The following FSTL5 variants were observed in gnomAD, a reference collection of about 807,000 sequenced individuals.
The protein encoded by FSTL5 is follistatin like 5, also known as follistatin-related protein 5.
In FSTL5, 62 loss-of-function variants were observed where a neutral mutation model predicts 89.1. The ratio of observed to expected loss-of-function variants is 0.70; its 90% confidence interval spans 0.57 to 0.86. The LOEUF (loss-of-function observed/expected upper bound fraction) is 0.86. Among genes scored for constraint, FSTL5 ranks in the 40% least tolerant of loss-of-function variants. FSTL5 has a pLI of 0.00. For synonymous variants in FSTL5, 383 were observed against 346.2 expected (o/e 1.11, Z -1.18); for missense variants, 1,057 against 1,001.6 (o/e 1.06, Z -0.75).
chr4:161,792,995 C>T (rs1484892541), intron 4 of FSTL5, among the ~76,000 whole-genome samples: 2 of 152,232 alleles, frequency 1.3e-5, no homozygotes, highest in South Asian at 2.1e-4. Context: ...AGGGCTGTGA[C>T]ACTCTTTGGG....
At chr4:161,961,258 C>T (rs1490984359) in intron 3 of FSTL5, among the ~76,000 whole-genome samples, 2 of 151,866 alleles carry the variant, frequency 1.3e-5, no homozygotes, top group Non-Finnish European at 2.9e-5. Flanking sequence ...CAGGTGTGCC[C>T]ACTGCACCTT....
intron 6 of FSTL5, among the ~76,000 whole-genome samples, chr4:161,709,753 G>A (rs150508590): frequency 2.6e-5 from 4 of 152,090 alleles, no homozygotes; most frequent in Non-Finnish European, 5.9e-5. Flanking sequence ...CCATGATCAC[G>A]TCAGTGCAAT....
At chr4:161,413,596 T>C (rs1731671956) in intron 15 of FSTL5, among the ~76,000 whole-genome samples, 1 of 152,042 alleles carries the variant, frequency 6.6e-6, no homozygotes, top group South Asian at 2.1e-4. Context: ...AGAAAATAAA[T>C]CAATCATACC....
chr4:161,873,834 C>T (rs1358524183), intron 4 of FSTL5, among the ~76,000 whole-genome samples: 1 of 151,038 alleles, frequency 6.6e-6, no homozygotes, highest in African/African-American at 2.4e-5. Flanking sequence ...TGTTGTTCAC[C>T]ACTTTTTTGC....
At chr4:161,889,008 T>C (rs1360008649) in intron 4 of FSTL5, among the ~76,000 whole-genome samples, 1 of 152,144 alleles carries the variant, frequency 6.6e-6, no homozygotes, top group Non-Finnish European at 1.5e-5. Context: ...ATATTAGGTG[T>C]GTTAGGAATT....
At chr4:161,941,521 C>T (rs1184508467) in intron 3 of FSTL5, among the ~76,000 whole-genome samples, 1 of 151,668 alleles carries the variant, frequency 6.6e-6, no homozygotes, top group Non-Finnish European at 1.5e-5. Flanking sequence ...ACAAAGTAGA[C>T]AATACATCTA....
intron 4 of FSTL5, among the ~76,000 whole-genome samples, chr4:161,898,899 G>A (rs893936025): frequency 6.6e-6 from 1 of 151,918 alleles, no homozygotes; most frequent in East Asian, 1.9e-4. Flanking sequence ...AAAGTCCTGG[G>A]ATTACAAGCC....
At chr4:161,401,925 C>G (rs543607931) in intron 15 of FSTL5, among the ~76,000 whole-genome samples, 1 of 152,060 alleles carries the variant, frequency 6.6e-6, no homozygotes, top group African/African-American at 2.4e-5. Flanking sequence ...GTAATTAATG[C>G]TAATTAATTT....
chr4:161,686,323 TA>T (rs1737720324), intron 6 of FSTL5, among the ~76,000 whole-genome samples: 15 of 6,128 alleles, frequency 2.4e-3, no homozygotes, highest in African/African-American at 3.2e-3. Context: ...TATATATATA[TA>T]TATATATATA....
chr4:161,429,447 C>G (rs1007411659), intron 15 of FSTL5, among the ~76,000 whole-genome samples: 1 of 152,208 alleles, frequency 6.6e-6, no homozygotes, highest in South Asian at 2.1e-4. Flanking sequence ...TAATCTAGCA[C>G]AGTCCCAGTG....
At chr4:161,600,380 G>C (rs1734188493) in intron 7 of FSTL5, among the ~76,000 whole-genome samples, 1 of 152,010 alleles carries the variant, frequency 6.6e-6, no homozygotes, top group Non-Finnish European at 1.5e-5. Flanking sequence ...GCCTACAGGA[G>C]GCTTCAGATT....
At chr4:162,010,310 C>T (rs532069485) in intron 3 of FSTL5, among the ~76,000 whole-genome samples, 23 of 152,132 alleles carry the variant, frequency 1.5e-4, no homozygotes, top group African/African-American at 5.3e-4. Flanking sequence ...AAAAAGCACG[C>T]TCACTTAAGA....
At chr4:162,010,696 A>C (rs960722770) in intron 3 of FSTL5, among the ~76,000 whole-genome samples, 4 of 152,222 alleles carry the variant, frequency 2.6e-5, no homozygotes, top group African/African-American at 9.6e-5. Context: ...AAAACCATAG[A>C]AAATGTCGCC....
intron 10 of FSTL5, 90 bp from the exon 11 acceptor site, chr4:161,510,514 A>G (rs1730618093): frequency 1.4e-6 from 1 of 722,794 alleles, no homozygotes; most frequent in Non-Finnish European, 2.2e-6. Context: ...TAAAGATGTC[A>G]AATATCTATG....
chr4:162,115,407 G>C lies in FSTL5; in HGVS notation c.-16-3995C>G, dbSNP rs563789253. 2.2e-3 allele frequency among the ~76,000 whole-genome samples: 332 copies of C among 152,196 alleles called. 1 individual carries two copies. Among genetic ancestry groups the C allele is most frequent in the African/African-American group, 6.9e-3 (287 of 41,526 alleles). On this transcript the variant is annotated intron_variant, in intron 1 of 15. Transcript: ENST00000306100. ...TGTTCTGGAAATTTTTTGTAAATCA[G>C]CAGTAATCGATCCCACCATAAACAG...
intron 12 of FSTL5, among the ~76,000 whole-genome samples, chr4:161,496,158 C>T (rs570484749): frequency 1.3e-5 from 2 of 152,156 alleles, no homozygotes; most frequent in Non-Finnish European, 2.9e-5. Context: ...ATAGCTAAGG[C>T]TCAAAGCAAT....
At chr4:161,671,915 C>T (rs1560781667) in intron 6 of FSTL5, among the ~76,000 whole-genome samples, 1 of 152,234 alleles carries the variant, frequency 6.6e-6, no homozygotes, top group South Asian at 2.1e-4. Flanking sequence ...GATCAAAATA[C>T]GAATTCCCAG....
At chr4:161,895,178 C>T (rs1308426609) in intron 4 of FSTL5, among the ~76,000 whole-genome samples, 4 of 152,204 alleles carry the variant, frequency 2.6e-5, no homozygotes, top group African/African-American at 7.2e-5. Context: ...TTTAAACTTA[C>T]TCTCGTGCCC....
At chr4:161,644,856 C>T (rs1004897160) in intron 7 of FSTL5, among the ~76,000 whole-genome samples, 1 of 151,998 alleles carries the variant, frequency 6.6e-6, no homozygotes, top group African/African-American at 2.4e-5. Flanking sequence ...TAAACTAAGG[C>T]AGCTACAGTG....
Sources: allele counts gnomAD v4.1 joint callset (sites outside exome capture counted in the v4.1 genomes callset), GRCh38; gene constraint gnomAD v4.1.1; transcripts MANE v1.5; gene names NCBI Gene and HGNC (gene_info 2026-07-23, HGNC 2026-07-21).